ASTN2: variants seen among roughly 807,000 people sequenced by gnomAD.
ASTN2 encodes the protein astrotactin 2.
In ASTN2, 54 loss-of-function variants were observed where a neutral mutation model predicts 139.8. The ratio of observed to expected loss-of-function variants is 0.39; its 90% CI spans 0.31 to 0.48. ASTN2 has a LOEUF of 0.48. ASTN2 is among the 20% of genes least tolerant of loss of function. The pLI, the probability that ASTN2 is intolerant of heterozygous loss-of-function variation, is 0.95. For synonymous variants in ASTN2, 756 were observed against 719.5 expected (o/e 1.05, Z -0.81); for missense variants, 1,565 against 1,725.1 (o/e 0.91, Z 1.64).
intron 19 of ASTN2, among the ~76,000 whole-genome samples, chr9:116,496,367 T>C (rs1849669851): frequency 6.6e-6 from 1 of 152,164 alleles, no homozygotes; most frequent in Non-Finnish European, 1.5e-5. Flanking sequence ...TCGTTTGAAT[T>C]CCCTGGAAAG....
chr9:117,157,288 G>T, intron 3 of ASTN2, among the ~76,000 whole-genome samples: 1 of 151,906 alleles, frequency 6.6e-6, no homozygotes, highest in East Asian at 1.9e-4. Flanking sequence ...CACATCTCTA[G>T]CAATTAGAGA....
chr9:116,615,738 G>T (rs566094105), intron 19 of ASTN2, among the ~76,000 whole-genome samples: 1 of 137,832 alleles, frequency 7.3e-6, no homozygotes, highest in Non-Finnish European at 1.6e-5. Flanking sequence ...GGTGGGGGCA[G>T]GGGGGACGGA....
intron 3 of ASTN2, among the ~76,000 whole-genome samples, chr9:117,202,083 C>T (rs1831742378): frequency 6.6e-6 from 1 of 152,104 alleles, no homozygotes; most frequent in Non-Finnish European, 1.5e-5. Context: ...CTTCCTGTTA[C>T]CATTATGTAA....
chr9:116,821,997 C>A (rs886583656), intron 11 of ASTN2, among the ~76,000 whole-genome samples: 3 of 152,062 alleles, frequency 2.0e-5, no homozygotes, highest in African/African-American at 7.2e-5. Context: ...AGTCCTCCCG[C>A]TGGCATTTCT....
At chr9:116,553,775 CCT>C (rs1189716626) in intron 19 of ASTN2, among the ~76,000 whole-genome samples, 2 of 152,164 alleles carry the variant, frequency 1.3e-5, no homozygotes, top group Admixed American at 1.3e-4. Context: ...GCCTCTTTTC[CCT>C]CTCTTAGACA....
At chr9:116,859,206 C>T (rs892323260) in intron 11 of ASTN2, among the ~76,000 whole-genome samples, 5 of 152,166 alleles carry the variant, frequency 3.3e-5, no homozygotes, top group Admixed American at 2.0e-4. Context: ...ATCTTAATTC[C>T]TTACGCAAAT....
intron 19 of ASTN2, among the ~76,000 whole-genome samples, chr9:116,497,629 C>T (rs1227557219): frequency 6.6e-6 from 1 of 152,118 alleles, no homozygotes; most frequent in Non-Finnish European, 1.5e-5. Context: ...CCTCGTCATC[C>T]CCACTGTCTG....
At chr9:116,693,449 G>A (rs756454902) in intron 16 of ASTN2, among the ~76,000 whole-genome samples, 9 of 152,210 alleles carry the variant, frequency 5.9e-5, no homozygotes, top group African/African-American at 1.4e-4. Flanking sequence ...ATATAATTAT[G>A]TAATTTTTCT....
At chr9:116,430,221 A>G (rs1847453404) in intron 22 of ASTN2, among the ~76,000 whole-genome samples, 1 of 152,196 alleles carries the variant, frequency 6.6e-6, no homozygotes, top group Admixed American at 6.5e-5. Flanking sequence ...AAAGGAACAG[A>G]CAAAGCCTCC....
chr9:117,271,775 A>C (rs1834071397), intron 2 of ASTN2, among the ~76,000 whole-genome samples: 2 of 152,236 alleles, frequency 1.3e-5, no homozygotes, highest in South Asian at 4.1e-4. Flanking sequence ...TTTTGACTCC[A>C]GATCTCAAAT....
intron 3 of ASTN2, among the ~76,000 whole-genome samples, chr9:117,144,372 C>T (rs975076273): frequency 1.4e-4 from 22 of 152,160 alleles, no homozygotes; most frequent in African/African-American, 4.8e-4. Context: ...TGAGCATGGA[C>T]ATGATGTTTG....
intron 5 of ASTN2, among the ~76,000 whole-genome samples, chr9:117,067,310 C>T (rs200531456): frequency 0.075 from 8,388 of 111,830 alleles, 96 homozygotes; most frequent in Middle Eastern, 0.18. Flanking sequence ...AAAGATCAGA[C>T]AGTTGTAGGT....
chr9:116,656,380 C>T (rs1247452865), intron 16 of ASTN2, among the ~76,000 whole-genome samples: 1 of 152,162 alleles, frequency 6.6e-6, no homozygotes, highest in Non-Finnish European at 1.5e-5. Flanking sequence ...AATAGCTGAG[C>T]ACTTTTCCAG....
chr9:117,134,315 C>A, intron 4 of ASTN2, among the ~76,000 whole-genome samples: 1 of 146,858 alleles, frequency 6.8e-6, no homozygotes, highest in South Asian at 2.2e-4. Context: ...CACACACACA[C>A]ACACACACAC....
intron 2 of ASTN2, 131 bp from the exon 3 acceptor site, chr9:117,214,873 C>G (rs55654343): frequency 9.0e-7 from 1 of 1,110,350 alleles, no homozygotes; most frequent in Non-Finnish European, 1.2e-6. Flanking sequence ...GAACCACCAG[C>G]CGTGGTTTTT....
At chr9:117,379,050 C>T (rs900482499) in intron 1 of ASTN2, among the ~76,000 whole-genome samples, 4 of 152,174 alleles carry the variant, frequency 2.6e-5, no homozygotes, top group African/African-American at 7.2e-5. Context: ...TGATTGGAAG[C>T]TTCTAGAGGA....
chr9:116,615,430 G>A (rs1008321959), intron 19 of ASTN2, among the ~76,000 whole-genome samples: 4 of 152,106 alleles, frequency 2.6e-5, no homozygotes, highest in African/African-American at 9.7e-5. Flanking sequence ...GCACACGTAT[G>A]TTTATTGTGG....
intron 2 of ASTN2, among the ~76,000 whole-genome samples, chr9:117,235,283 A>T (rs1405684662): frequency 6.6e-6 from 1 of 152,036 alleles, no homozygotes; most frequent in African/African-American, 2.4e-5. Context: ...TTATTTTCCA[A>T]GCCCCTATTG....
At chr9:116,816,233 A>G (rs1392537768) in intron 12 of ASTN2, among the ~76,000 whole-genome samples, 1 of 152,222 alleles carries the variant, frequency 6.6e-6, no homozygotes, top group Non-Finnish European at 1.5e-5. Context: ...CACACACACA[A>G]AACAGACAAA....
Sources: gnomAD v4.1 joint callset for allele counts (sites outside exome capture counted in the v4.1 genomes callset) on GRCh38, gnomAD v4.1.1 for gene constraint, MANE v1.5 for transcripts, NCBI Gene and HGNC (gene_info 2026-07-23, HGNC 2026-07-21) for gene names.